CSMD1: variants seen among roughly 807,000 people sequenced by gnomAD.
CSMD1 encodes the protein CUB and sushi domain-containing protein 1.
A neutral mutation model predicts 417.5 loss-of-function variants in CSMD1; 213 were observed. That is an observed-to-expected ratio of 0.51 (90% CI 0.46 to 0.57). The LOEUF (loss-of-function observed/expected upper bound fraction) is 0.57. Ranked by LOEUF, CSMD1 falls within the 20% of genes least tolerant of loss-of-function variation. The pLI, the probability that CSMD1 is intolerant of heterozygous loss-of-function variation, is 0.00. For missense variants in CSMD1, 6,923 were observed against 4,529.7 expected, an observed-to-expected ratio of 1.53 and a Z score of -15.17; for synonymous variants, 2,862 against 1,736.8, an observed-to-expected ratio of 1.65 and a Z score of -16.11.
At chr8:4,423,468 A>G (rs571579566) in intron 2 of CSMD1, among the ~76,000 whole-genome samples, 13 of 152,218 alleles carry the variant, frequency 8.5e-5, no homozygotes, top group Admixed American at 2.0e-4. Flanking sequence ...CAGCTCAAAG[A>G]AAAGCTTCTG....
At chr8:4,041,385 A>G (rs1002339974) in intron 3 of CSMD1, among the ~76,000 whole-genome samples, 2 of 152,272 alleles carry the variant, frequency 1.3e-5, no homozygotes, top group South Asian at 4.1e-4. Context: ...TATGACAAGA[A>G]TTGTTAAATG....
chr8:3,551,596 A>ATTT (rs1194152215), intron 10 of CSMD1, among the ~76,000 whole-genome samples: 6 of 113,434 alleles, frequency 5.3e-5, no homozygotes, highest in Admixed American at 8.9e-5. Flanking sequence ...ATATATATAT[A>ATTT]TTTTTTTTTT....
chr8:3,860,253 G>C (rs1240399441), intron 5 of CSMD1, among the ~76,000 whole-genome samples: 1 of 152,100 alleles, frequency 6.6e-6, no homozygotes, highest in Non-Finnish European at 1.5e-5. Context: ...GTTTCAGTCA[G>C]ACCATTGTGA....
chr8:4,429,281 G>C (rs767742338), intron 2 of CSMD1, among the ~76,000 whole-genome samples: 2 of 151,996 alleles, frequency 1.3e-5, no homozygotes, highest in Non-Finnish European at 2.9e-5. Context: ...TTGTTGAAGA[G>C]AATAATTTCT....
intron 10 of CSMD1, among the ~76,000 whole-genome samples, chr8:3,510,391 T>C (rs1002104861): frequency 6.6e-6 from 1 of 151,942 alleles, no homozygotes; most frequent in African/African-American, 2.4e-5. Context: ...GAAGTCCAAA[T>C]GTCTTTTGAG....
chr8:3,935,161 A>G (rs1240344989), intron 5 of CSMD1, among the ~76,000 whole-genome samples: 1 of 152,194 alleles, frequency 6.6e-6, no homozygotes, highest in African/African-American at 2.4e-5. Context: ...AAGCAAGAAT[A>G]TGGCCACGAC....
intron 2 of CSMD1, among the ~76,000 whole-genome samples, chr8:4,567,424 T>C (rs1253490997): frequency 6.6e-6 from 1 of 152,088 alleles, no homozygotes. Flanking sequence ...CAACAACAAA[T>C]GGCATTTTTT....
chr8:3,237,791 C>T (rs190821827), intron 26 of CSMD1, among the ~76,000 whole-genome samples: 2,709 of 27,982 alleles, frequency 0.097, 414 homozygotes, highest in Non-Finnish European at 0.13. Flanking sequence ...ACTTATACTA[C>T]AAGTATAATT....
At chr8:4,907,498 T>C (rs4875405) in intron 1 of CSMD1, among the ~76,000 whole-genome samples, 83,221 of 151,248 alleles carry the variant, frequency 0.55, 23,415 homozygotes, top group African/African-American at 0.62. Context: ...ACTCATAACA[T>C]CTTACTAGAA....
intron 11 of CSMD1, among the ~76,000 whole-genome samples, chr8:3,476,775 A>C (rs1460708887): frequency 6.6e-6 from 1 of 152,014 alleles, no homozygotes; most frequent in African/African-American, 2.4e-5. Flanking sequence ...AACATTAGCC[A>C]GGCTTGGTGG....
chr8:4,222,056 G>A (rs1253232226), intron 3 of CSMD1, among the ~76,000 whole-genome samples: 1 of 151,506 alleles, frequency 6.6e-6, no homozygotes, highest in African/African-American at 2.4e-5. Context: ...AGACATCAAA[G>A]GCCATCAATG....
intron 11 of CSMD1, among the ~76,000 whole-genome samples, chr8:3,479,607 C>T (rs978404551): frequency 2.6e-5 from 4 of 152,148 alleles, no homozygotes; most frequent in African/African-American, 7.2e-5. Context: ...GCATAAATGC[C>T]ATTACTTTCA....
intron 10 of CSMD1, among the ~76,000 whole-genome samples, chr8:3,541,371 T>C (rs1159647118): frequency 1.3e-5 from 2 of 151,992 alleles, no homozygotes. Context: ...CACTGGGGCC[T>C]GTTGAGGGGA....
chr8:3,438,094 G>A (rs900484322), intron 12 of CSMD1, among the ~76,000 whole-genome samples: 4 of 152,136 alleles, frequency 2.6e-5, no homozygotes, highest in African/African-American at 4.8e-5. Flanking sequence ...TTCAGACTTA[G>A]CTATTAAAAT....
In CSMD1 at chr8:4,022,182, GTGTA is replaced by G. The variant is rs1250765580; in HGVS notation, c.610+9719_610+9722del. Among the ~76,000 whole-genome samples the G allele has an allele frequency of 9.4e-4, 54 of 57,722 alleles. No homozygotes were observed. In the South Asian group the frequency reaches 0.014, roughly 15 times the overall value. The allele number at this position is 57,722 out of a possible 152,430, so 37.9% of individuals were successfully genotyped here. A position where few individuals can be genotyped will look rare whatever the true frequency, so the allele number is the denominator to read the frequency against. The stretch of plus-strand genomic sequence containing the variant: ...TATATTAATATATATGTATATTTAT[GTGTA>G]TATATATATATATAACAATAGCATT... On this transcript the variant is annotated intron_variant, in intron 4 of 69. Transcript: ENST00000635120.
intron 23 of CSMD1, among the ~76,000 whole-genome samples, chr8:3,313,882 A>G (rs1195646850): frequency 1.3e-5 from 2 of 152,242 alleles, no homozygotes; most frequent in African/African-American, 4.8e-5. Flanking sequence ...AATGTCCAAC[A>G]ATGATAGACT....
intron 1 of CSMD1, among the ~76,000 whole-genome samples, chr8:4,912,939 C>T (rs1805798516): frequency 6.6e-6 from 1 of 152,102 alleles, no homozygotes; most frequent in Non-Finnish European, 1.5e-5. Flanking sequence ...GCACCCACCA[C>T]CTCACCCAGC....
intron 26 of CSMD1, among the ~76,000 whole-genome samples, chr8:3,269,883 C>T (rs1479322200): frequency 6.6e-6 from 1 of 152,108 alleles, no homozygotes; most frequent in Non-Finnish European, 1.5e-5. Flanking sequence ...TCTCATGAGC[C>T]TCTAAAGCTC....
intron 1 of CSMD1, among the ~76,000 whole-genome samples, chr8:4,939,274 C>G (rs1029284779): frequency 6.6e-6 from 1 of 152,130 alleles, no homozygotes; most frequent in South Asian, 2.1e-4. Flanking sequence ...AATAGAACAA[C>G]CATATGATGC....
Sources: gnomAD v4.1 joint callset for allele counts (sites outside exome capture counted in the v4.1 genomes callset) on GRCh38, gnomAD v4.1.1 for gene constraint, MANE v1.5 for transcripts, NCBI Gene and HGNC (gene_info 2026-07-23, HGNC 2026-07-21) for gene names.